Variants in UGT2A2 observed in about 807,000 individuals in gnomAD.
UGT2A2 encodes the protein UDP-glucuronosyltransferase 2A2.
Under a neutral mutation model 50.7 loss-of-function variants are expected in UGT2A2, and 60 were observed. That is an observed-to-expected ratio of 1.18 (90% CI 0.96 to 1.47). The LOEUF (loss-of-function observed/expected upper bound fraction) is 1.47. Ranked by LOEUF, UGT2A2 falls within the 40% of genes most tolerant of loss-of-function variation. The pLI is 0.00. For synonymous variants in UGT2A2, 242 were observed against 214.6 expected, an observed-to-expected ratio of 1.13 and a Z score of -1.11; for missense variants, 762 against 634.0, an observed-to-expected ratio of 1.20 and a Z score of -2.17.
intron 1 of UGT2A2, among the ~76,000 whole-genome samples, chr4:69,608,963 C>T (rs1485309984): frequency 1.3e-5 from 2 of 151,868 alleles, no homozygotes; most frequent in Non-Finnish European, 2.9e-5. Context: ...TTTTTAATTT[C>T]ATAGTAGAAA....
intron 1 of UGT2A2, among the ~76,000 whole-genome samples, chr4:69,618,915 T>C (rs80356027): frequency 6.6e-5 from 10 of 151,856 alleles, no homozygotes; most frequent in African/African-American, 2.2e-4. Context: ...TTAGAAGAAA[T>C]TTTTTAAAAA....
intron 1 of UGT2A2, among the ~76,000 whole-genome samples, chr4:69,607,309 G>A (rs550505214): frequency 1.3e-5 from 2 of 151,326 alleles, no homozygotes; most frequent in Non-Finnish European, 2.9e-5. Context: ...ACAAAAACAA[G>A]AAATGGGGAA....
chr4:69,638,830 G>A (rs1457708913), intron 1 of UGT2A2, 69 bp downstream of exon 1: 44 of 1,451,040 alleles, frequency 3.0e-5, no homozygotes, highest in East Asian at 9.9e-5. Context: ...AATGGAAATC[G>A]TTTGCCATAT....
At chr4:69,595,557 G>A (rs189808968) in intron 3 of UGT2A2, among the ~76,000 whole-genome samples, 52 of 152,004 alleles carry the variant, frequency 3.4e-4, no homozygotes, top group African/African-American at 1.3e-3. Flanking sequence ...AACATGAAGG[G>A]GAAAAATCAT....
intron 1 of UGT2A2, among the ~76,000 whole-genome samples, chr4:69,634,137 C>T (rs1188383982): frequency 6.6e-6 from 1 of 151,892 alleles, no homozygotes; most frequent in Non-Finnish European, 1.5e-5. Flanking sequence ...CCCAGCTACT[C>T]CGGAGGCTGA....
intron 1 of UGT2A2, among the ~76,000 whole-genome samples, chr4:69,611,427 G>C (rs888280019): frequency 1.3e-5 from 2 of 151,596 alleles, no homozygotes; most frequent in Admixed American, 6.6e-5. Context: ...TTTTCTACAA[G>C]ATAACCCAGA....
intron 5 of UGT2A2, among the ~76,000 whole-genome samples, chr4:69,593,511 G>A (rs1718706203): frequency 6.6e-6 from 1 of 150,798 alleles, no homozygotes; most frequent in South Asian, 2.1e-4. Flanking sequence ...AAAAAAATAA[G>A]ACACAATATA....
intron 1 of UGT2A2, among the ~76,000 whole-genome samples, chr4:69,600,515 A>T (rs760882443): frequency 6.6e-5 from 10 of 152,220 alleles, no homozygotes; most frequent in East Asian, 1.9e-4. Context: ...CAAGAGATGG[A>T]CATCCCTACT....
chr4:69,633,444 C>T (rs998973304), intron 1 of UGT2A2, among the ~76,000 whole-genome samples: 1 of 152,208 alleles, frequency 6.6e-6, no homozygotes, highest in Non-Finnish European at 1.5e-5. Context: ...TCCACTCTCA[C>T]GAATATATCC....
At chr4:69,596,132 T>C in intron 3 of UGT2A2, 118 bp downstream of exon 3, 1 of 1,297,024 alleles carries the variant, frequency 7.7e-7, no homozygotes, top group Non-Finnish European at 9.9e-7. Context: ...CTTACAACTG[T>C]TACTAGTGAT....
chr4:69,592,826 G>GA (rs761407087), intron 5 of UGT2A2, among the ~76,000 whole-genome samples: 17 of 151,948 alleles, frequency 1.1e-4, no homozygotes, highest in Non-Finnish European at 2.4e-4. Context: ...ATTAATTTCT[G>GA]AAAAGAAAAA....
chr4:69,636,094 A>C (rs1721693771), intron 1 of UGT2A2, among the ~76,000 whole-genome samples: 1 of 152,146 alleles, frequency 6.6e-6, no homozygotes. Flanking sequence ...TAACTGGTGC[A>C]ATCAAATATG....
chr4:69,605,957 G>A (rs1334989142), intron 1 of UGT2A2, among the ~76,000 whole-genome samples: 4 of 136,486 alleles, frequency 2.9e-5, no homozygotes. Context: ...AAAAAGTCCA[G>A]GACCAGATGG....
chr4:69,637,919 G>A (rs1721806157), intron 1 of UGT2A2, among the ~76,000 whole-genome samples: 1 of 148,680 alleles, frequency 6.7e-6, no homozygotes, highest in African/African-American at 2.6e-5. Flanking sequence ...AGGCAGGCAG[G>A]CAGGCAGGCA....
intron 1 of UGT2A2, among the ~76,000 whole-genome samples, chr4:69,632,553 C>A (rs566651850): frequency 3.2e-4 from 48 of 152,088 alleles, no homozygotes; most frequent in Middle Eastern, 6.8e-3. Flanking sequence ...TTATGCACGA[C>A]AATAGTAAAT....
chr4:69,599,688 AT>A, intron 1 of UGT2A2: 1 of 258,716 alleles, frequency 3.9e-6, no homozygotes, highest in Non-Finnish European at 7.1e-6. Flanking sequence ...AGAGGTAGAA[AT>A]AAAGAAAGAG....
intron 1 of UGT2A2, 102 bp downstream of exon 1, chr4:69,638,797 C>T (rs753061095): frequency 7.3e-7 from 1 of 1,377,040 alleles, no homozygotes; most frequent in Non-Finnish European, 9.6e-7. Flanking sequence ...AGTCCATTAT[C>T]TTCAGCTCAG....
At chr4:69,633,581 G>A (rs1721506642) in intron 1 of UGT2A2, among the ~76,000 whole-genome samples, 1 of 152,216 alleles carries the variant, frequency 6.6e-6, no homozygotes, top group Non-Finnish European at 1.5e-5. Flanking sequence ...AATAAAATGT[G>A]ATACATTAAT....
At chr4:69,593,967 C>CTTTTTTTTTTTTT (rs200066453) in intron 5 of UGT2A2, among the ~76,000 whole-genome samples, 9 of 107,816 alleles carry the variant, frequency 8.3e-5, no homozygotes, top group East Asian at 3.3e-4. Context: ...TATTTGAAGT[C>CTTTTTTTTTTTTT]TTTTTTTTTG....
Sources: allele counts gnomAD v4.1 joint callset (sites outside exome capture counted in the v4.1 genomes callset), GRCh38; gene constraint gnomAD v4.1.1; transcripts MANE v1.5; gene names NCBI Gene and HGNC (gene_info 2026-07-23, HGNC 2026-07-21).